The following NACC2 variants were observed in gnomAD, a reference collection of about 807,000 sequenced individuals.
NACC2 encodes the protein nucleus accumbens-associated protein 2.
Under a neutral mutation model 25.1 loss-of-function variants are expected in NACC2, and 8 were observed. The observed-to-expected ratio is 0.32, with a 90% CI of 0.19 to 0.57. The LOEUF (loss-of-function observed/expected upper bound fraction) is 0.57. Among genes scored for constraint, NACC2 ranks in the 20% least tolerant of loss-of-function variants. NACC2 has a pLI of 0.89. For missense variants in NACC2, 644 were observed against 650.2 expected (o/e 0.99, Z 0.10); for synonymous variants, 435 against 294.7 (o/e 1.48, Z -4.88).
intron 2 of NACC2, among the ~76,000 whole-genome samples, chr9:136,035,450 C>T (rs1228638580): frequency 6.6e-6 from 1 of 152,010 alleles, no homozygotes; most frequent in Non-Finnish European, 1.5e-5. Context: ...ATGAACTGCG[C>T]TTTTCAAAGG....
At chr9:136,033,609 A>C (rs992318378) in intron 2 of NACC2, among the ~76,000 whole-genome samples, 47 of 143,124 alleles carry the variant, frequency 3.3e-4, no homozygotes, top group African/African-American at 1.2e-3. Context: ...GAGATCTGCC[A>C]CTGCACTCCA....
At chr9:136,094,616 C>A (rs1391649093) in intron 1 of NACC2, among the ~76,000 whole-genome samples, 1 of 152,160 alleles carries the variant, frequency 6.6e-6, no homozygotes, top group African/African-American at 2.4e-5. Context: ...TCTCCCCAGG[C>A]TGGGGCCCGA....
rs915936763 is a variant in NACC2 at position 136,006,897 on chromosome 9, G to A, written c.*4619C>T. On this transcript the variant is annotated 3_prime_UTR_variant, in exon 6 of 6. Transcript: ENST00000277554. ...CTGTGAAACCTTCCTTTACAGCACA[G>A]GAAAATTTATTTTTTAACAGTCGTG... 5.3e-5 allele frequency: 8 copies of A among 152,326 alleles called. No homozygotes were observed. The highest frequency in any genetic ancestry group is 1.0e-4 in the Non-Finnish European group (7 of 68,176). The allele number at this position is 152,326 out of a possible 1,614,324, so 9.4% of individuals were successfully genotyped here. A position where few individuals can be genotyped will look rare whatever the true frequency, so the allele number is the denominator to read the frequency against.
chr9:136,092,512 G>C (rs1248439362), intron 1 of NACC2, among the ~76,000 whole-genome samples: 1 of 152,228 alleles, frequency 6.6e-6, no homozygotes, highest in East Asian at 1.9e-4. Context: ...ACAGGGCTTT[G>C]CTTCTCCTTC....
intron 2 of NACC2, among the ~76,000 whole-genome samples, chr9:136,025,163 T>C (rs1840369298): frequency 6.6e-6 from 1 of 152,228 alleles, no homozygotes; most frequent in Non-Finnish European, 1.5e-5. Context: ...CTGGAAGGGC[T>C]ACAGGCTACG....
At chr9:136,092,335 C>T (rs1162184026) in intron 1 of NACC2, among the ~76,000 whole-genome samples, 3 of 152,178 alleles carry the variant, frequency 2.0e-5, no homozygotes, top group African/African-American at 7.2e-5. Context: ...GCCAGCTCTA[C>T]ACAGGTTCCC....
At chr9:136,014,307 A>G (rs1840164303) in intron 3 of NACC2, among the ~76,000 whole-genome samples, 1 of 150,516 alleles carries the variant, frequency 6.6e-6, no homozygotes, top group Non-Finnish European at 1.5e-5. Flanking sequence ...CCAAGAACAC[A>G]CTTTGTTGTT....
intron 1 of NACC2, among the ~76,000 whole-genome samples, chr9:136,062,370 C>T (rs563869187): frequency 6.6e-6 from 1 of 152,246 alleles, no homozygotes; most frequent in East Asian, 1.9e-4. Flanking sequence ...AGCTTTTGTC[C>T]AGGAAACATG....
chr9:136,050,971 C>G (rs1840823582), intron 1 of NACC2, among the ~76,000 whole-genome samples: 1 of 152,200 alleles, frequency 6.6e-6, no homozygotes, highest in Non-Finnish European at 1.5e-5. Flanking sequence ...ACTCTCCTCC[C>G]CTCAAAAAAG....
intron 1 of NACC2, among the ~76,000 whole-genome samples, chr9:136,065,694 T>G (rs1841070991): frequency 6.6e-6 from 1 of 151,708 alleles, no homozygotes. Flanking sequence ...TAGTCCCAGC[T>G]ACTCAGGATG....
chr9:136,043,813 T>A (rs1014255835), intron 2 of NACC2, among the ~76,000 whole-genome samples: 1 of 152,180 alleles, frequency 6.6e-6, no homozygotes, highest in African/African-American at 2.4e-5. Context: ...TTGTAAAGGA[T>A]ACAAATACTT....
In NACC2 at chr9:136,012,203, C is replaced by T. The variant is rs141673364; in HGVS notation, c.1256-179G>A. ...ACCAGAGGTCACGTTTCTCACTGCTCGGCCTGGGAGGCCTCCCCACCCCAT... is the reference window on the plus strand; with the variant it reads ...ACCAGAGGTCACGTTTCTCACTGCTTGGCCTGGGAGGCCTCCCCACCCCAT... On this transcript the variant is annotated intron_variant, in intron 5 of 5. Coordinates refer to ENST00000277554, the MANE Select transcript of NACC2 (RefSeq NM_144653.5). 1.8e-4 allele frequency among the ~76,000 whole-genome samples: 28 copies of T among 152,346 alleles called. No homozygotes were observed. In the South Asian group the frequency reaches 3.5e-3, roughly 19 times the overall value.
intron 2 of NACC2, among the ~76,000 whole-genome samples, chr9:136,028,755 C>G (rs896748118): frequency 3.9e-5 from 6 of 152,214 alleles, no homozygotes; most frequent in Non-Finnish European, 7.3e-5. Flanking sequence ...GGGAAGCCCC[C>G]CTGCCTGCAC....
Position 136,011,355 on chromosome 9 carries a change from G to A in NACC2, c.*161C>T. ...TGTTTACAGTATAATGAATGCATTTGTTTCCTTCATCAATTTTAAATACAA... is the reference window on the plus strand; with the variant it reads ...TGTTTACAGTATAATGAATGCATTTATTTCCTTCATCAATTTTAAATACAA... On this transcript the variant is annotated 3_prime_UTR_variant, in exon 6 of 6. Transcript: ENST00000277554. 2 of 839,314 alleles carry A rather than the reference G, an allele frequency of 2.4e-6. No homozygotes were observed. The highest frequency in any genetic ancestry group is 3.2e-6 in the Non-Finnish European group (2 of 615,458). 52.0% of individuals were successfully genotyped at this position (839,314 alleles called of 1,614,324 possible).
chr9:136,015,212 A>G (rs1050406022), intron 3 of NACC2, among the ~76,000 whole-genome samples: 3 of 152,150 alleles, frequency 2.0e-5, no homozygotes, highest in African/African-American at 7.2e-5. Flanking sequence ...GATGACCGAG[A>G]GCATCTTCCT....
chr9:136,090,739 G>A (rs897831549), intron 1 of NACC2, among the ~76,000 whole-genome samples: 2 of 152,166 alleles, frequency 1.3e-5, no homozygotes, highest in African/African-American at 4.8e-5. Context: ...CTATGCGGAG[G>A]CTGATGCTCT....
At chr9:136,074,734 C>T (rs1830240707) in intron 1 of NACC2, among the ~76,000 whole-genome samples, 1 of 151,964 alleles carries the variant, frequency 6.6e-6, no homozygotes, top group Non-Finnish European at 1.5e-5. Context: ...CTGGACCTTC[C>T]GAACGACCAT....
chr9:136,032,394 C>T (rs367930828), intron 2 of NACC2, among the ~76,000 whole-genome samples: 1 of 152,036 alleles, frequency 6.6e-6, no homozygotes, highest in Non-Finnish European at 1.5e-5. Flanking sequence ...AAAAAAAAAC[C>T]CTCTTAACCT....
intron 1 of NACC2, among the ~76,000 whole-genome samples, chr9:136,069,792 T>C (rs568328512): frequency 3.3e-5 from 5 of 151,958 alleles, no homozygotes; most frequent in African/African-American, 9.7e-5. Context: ...TAAATGTCCA[T>C]GTACCAGACA....
Sources: gnomAD v4.1 joint callset for allele counts (sites outside exome capture counted in the v4.1 genomes callset) on GRCh38, gnomAD v4.1.1 for gene constraint, MANE v1.5 for transcripts, NCBI Gene and HGNC (gene_info 2026-07-23, HGNC 2026-07-21) for gene names.